RAB3C: variants seen among roughly 807,000 people sequenced by gnomAD.
RAB3C encodes the protein ras-related protein Rab-3C.
In RAB3C, 17 loss-of-function variants were observed where a neutral mutation model predicts 26.4. That is an observed-to-expected ratio of 0.64 (90% confidence interval 0.44 to 0.97). The LOEUF (loss-of-function observed/expected upper bound fraction) is 0.97. Among genes scored for constraint, RAB3C ranks in the 50% least tolerant of loss-of-function variants. The pLI is 0.00. For missense variants in RAB3C, 242 were observed against 281.9 expected (o/e 0.86, Z 1.01); for synonymous variants, 91 against 95.9 (o/e 0.95, Z 0.30).
At chr5:58,673,784 T>C (rs1353471877) in intron 2 of RAB3C, among the ~76,000 whole-genome samples, 1 of 152,210 alleles carries the variant, frequency 6.6e-6, no homozygotes, top group Non-Finnish European at 1.5e-5. Context: ...TGCATGTGTT[T>C]GATGAGGCAC....
intron 2 of RAB3C, among the ~76,000 whole-genome samples, chr5:58,725,177 A>C (rs1254240056): frequency 6.6e-6 from 1 of 151,888 alleles, no homozygotes; most frequent in Non-Finnish European, 1.5e-5. Context: ...TCTCCTTCAT[A>C]GATAAAGGAT....
intron 4 of RAB3C, among the ~76,000 whole-genome samples, chr5:58,840,796 T>C (rs1254131141): frequency 3.9e-5 from 6 of 152,016 alleles, no homozygotes; most frequent in African/African-American, 1.2e-4. Context: ...CTTTGTAGGA[T>C]TGGGGTTGCT....
chr5:58,612,568 A>G (rs1002711030), intron 1 of RAB3C, among the ~76,000 whole-genome samples: 12 of 139,060 alleles, frequency 8.6e-5, no homozygotes, highest in Admixed American at 2.3e-4. Context: ...ATATATGTAT[A>G]TATATATTTG....
chr5:58,632,669 C>T (rs1374516322), intron 2 of RAB3C, among the ~76,000 whole-genome samples: 1 of 152,226 alleles, frequency 6.6e-6, no homozygotes. Flanking sequence ...CTTCGAGTGG[C>T]TGTGGACAGA....
At chr5:58,646,027 C>T (rs73098371) in intron 2 of RAB3C, among the ~76,000 whole-genome samples, 2 of 152,270 alleles carry the variant, frequency 1.3e-5, no homozygotes, top group Admixed American at 6.5e-5. Flanking sequence ...ACATTCTACC[C>T]GCACTGAACC....
At chr5:58,616,995 A>G (rs888371976) in intron 1 of RAB3C, among the ~76,000 whole-genome samples, 1 of 152,064 alleles carries the variant, frequency 6.6e-6, no homozygotes, top group Non-Finnish European at 1.5e-5. Flanking sequence ...CTGGGCCTCA[A>G]TTTTCTCATT....
chr5:58,697,597 C>G (rs1333427132), intron 2 of RAB3C, among the ~76,000 whole-genome samples: 1 of 152,142 alleles, frequency 6.6e-6, no homozygotes, highest in Non-Finnish European at 1.5e-5. Context: ...CTTTATGAAT[C>G]TGGGTGCTCC....
intron 2 of RAB3C, among the ~76,000 whole-genome samples, chr5:58,665,941 T>C (rs1352618379): frequency 6.6e-6 from 1 of 152,118 alleles, no homozygotes. Flanking sequence ...TAGGAGTCAG[T>C]GGGAAACGTG....
chr5:58,749,162 C>T (rs1464910059), intron 3 of RAB3C, among the ~76,000 whole-genome samples: 1 of 152,066 alleles, frequency 6.6e-6, no homozygotes, highest in Non-Finnish European at 1.5e-5. Context: ...TTGTACTTTG[C>T]ACCTATTCCC....
intron 2 of RAB3C, among the ~76,000 whole-genome samples, chr5:58,631,991 G>A (rs1747192130): frequency 6.6e-6 from 1 of 152,218 alleles, no homozygotes; most frequent in Non-Finnish European, 1.5e-5. Flanking sequence ...AAGGCTGAAA[G>A]CAGAGATTAA....
chr5:58,704,995 G>A (rs1748915621), intron 2 of RAB3C, among the ~76,000 whole-genome samples: 1 of 152,126 alleles, frequency 6.6e-6, no homozygotes, highest in Admixed American at 6.5e-5. Flanking sequence ...TTCAAAGTGA[G>A]TGATAATGCA....
intron 3 of RAB3C, among the ~76,000 whole-genome samples, chr5:58,817,460 G>A (rs953185336): frequency 1.3e-5 from 2 of 151,940 alleles, no homozygotes; most frequent in Non-Finnish European, 2.9e-5. Flanking sequence ...CTACCTATTA[G>A]CATTTATAGC....
intron 2 of RAB3C, among the ~76,000 whole-genome samples, chr5:58,695,663 G>A (rs968911598): frequency 1.1e-4 from 16 of 150,816 alleles, no homozygotes; most frequent in Non-Finnish European, 1.9e-4. Flanking sequence ...GGATTCCTAG[G>A]TATTTTATTC....
chr5:58,777,462 T>C (rs1333805440), intron 3 of RAB3C, among the ~76,000 whole-genome samples: 1 of 152,158 alleles, frequency 6.6e-6, no homozygotes. Context: ...TAAGAAGCTT[T>C]ACCAAATCCC....
chr5:58,752,892 A>T (rs1038806406), intron 3 of RAB3C, among the ~76,000 whole-genome samples: 1 of 152,180 alleles, frequency 6.6e-6, no homozygotes, highest in Non-Finnish European at 1.5e-5. Flanking sequence ...GTTATTGATG[A>T]TCTAACTACT....
At chr5:58,713,107 G>A (rs1289644323) in intron 2 of RAB3C, among the ~76,000 whole-genome samples, 1 of 152,154 alleles carries the variant, frequency 6.6e-6, no homozygotes, top group South Asian at 2.1e-4. Flanking sequence ...TCTATGGCCA[G>A]TAGGAAGACA....
chr5:58,680,294 A>G (rs1748320280), intron 2 of RAB3C, among the ~76,000 whole-genome samples: 1 of 152,180 alleles, frequency 6.6e-6, no homozygotes, highest in African/African-American at 2.4e-5. Flanking sequence ...TTGCAAGGCC[A>G]TTAGTGAAGG....
At chr5:58,776,617 CT>C (rs756027999) in intron 3 of RAB3C, among the ~76,000 whole-genome samples, 21 of 152,052 alleles carry the variant, frequency 1.4e-4, no homozygotes, top group Non-Finnish European at 2.2e-4. Context: ...TACCACTCCC[CT>C]TTTTTCTCTG....
chr5:58,649,170 C>G (rs1747589526), intron 2 of RAB3C, among the ~76,000 whole-genome samples: 1 of 152,262 alleles, frequency 6.6e-6, no homozygotes, highest in South Asian at 2.1e-4. Context: ...TGCTCTACCA[C>G]CTGCTGGTCC....
Sources: gnomAD v4.1 joint callset for allele counts (sites outside exome capture counted in the v4.1 genomes callset) on GRCh38, gnomAD v4.1.1 for gene constraint, MANE v1.5 for transcripts, NCBI Gene and HGNC (gene_info 2026-07-23, HGNC 2026-07-21) for gene names.